The following MEGF10 variants were observed in gnomAD, a reference collection of about 807,000 sequenced individuals.
The protein encoded by MEGF10 is multiple epidermal growth factor-like domains protein 10.
A neutral mutation model predicts 147.5 loss-of-function variants in MEGF10; 86 were observed. The observed-to-expected ratio is 0.58, with a 90% CI of 0.49 to 0.70. The LOEUF (loss-of-function observed/expected upper bound fraction) is 0.70. Among genes scored for constraint, MEGF10 ranks in the 30% least tolerant of loss-of-function variants. MEGF10 has a pLI of 0.00. For synonymous variants in MEGF10, 478 were observed against 525.5 expected (o/e 0.91, Z 1.24); for missense variants, 1,329 against 1,487.3 (o/e 0.89, Z 1.75).
the MEGF10 span, among the ~76,000 whole-genome samples, chr5:127,285,163 A>G: frequency 6.6e-6 from 1 of 152,158 alleles, no homozygotes; most frequent in Non-Finnish European, 1.5e-5. Context: ...ATCTGCTTCT[A>G]CATGTCTAAT....
At chr5:127,374,305 C>G (rs1762947612) in intron 5 of MEGF10, among the ~76,000 whole-genome samples, 1 of 152,220 alleles carries the variant, frequency 6.6e-6, no homozygotes, top group South Asian at 2.1e-4. Context: ...TTTGCAATGT[C>G]TCTCTAGCGC....
rs370089072 is a variant in MEGF10 at position 127,360,864 on chromosome 5, GTA to G, written c.320-9032_320-9031del. ...TATATGTGTGTATATATATGTGTGT[GTA>G]TATATATATATATGTTGGAACAAAC... On this transcript the variant is annotated intron_variant, in intron 4 of 24. Coordinates refer to ENST00000503335, the MANE Select transcript of MEGF10 (RefSeq NM_001256545.2). 2.0e-3 allele frequency among the ~76,000 whole-genome samples: 295 copies of G among 148,864 alleles called. 1 individual carries two copies. Among genetic ancestry groups the G allele is most frequent in the African/African-American group, 5.4e-3 (221 of 40,832 alleles).
chr5:127,346,296 G>A (rs1372829851), intron 4 of MEGF10, among the ~76,000 whole-genome samples: 1 of 152,138 alleles, frequency 6.6e-6, no homozygotes. Flanking sequence ...GTTTTCCATA[G>A]TGGTTGTACT....
At chr5:127,395,541 T>A (rs1580810931) in intron 5 of MEGF10, among the ~76,000 whole-genome samples, 1 of 126,726 alleles carries the variant, frequency 7.9e-6, no homozygotes, top group East Asian at 2.1e-4. Flanking sequence ...GATATCTTTT[T>A]TTTTTTTTTT....
intron 1 of MEGF10, among the ~76,000 whole-genome samples, chr5:127,319,097 A>G (rs1351096406): frequency 8.7e-6 from 1 of 115,466 alleles, no homozygotes; most frequent in African/African-American, 3.4e-5. Flanking sequence ...TCCTTTCTTG[A>G]TAGAGTCTGG....
intron 8 of MEGF10, 48 bp from the exon 9 acceptor site, chr5:127,410,341 C>T (rs1360069038): frequency 3.9e-6 from 6 of 1,556,126 alleles, no homozygotes; most frequent in Non-Finnish European, 5.3e-6. Flanking sequence ...TTTATTTTCA[C>T]ATGGCACTAA....
rs144885062 is a variant in MEGF10, at chr5:127,446,461, A to G, written c.2728+768A>G. On this transcript the variant is annotated intron_variant, in intron 20 of 24. Coordinates refer to ENST00000503335, the MANE Select transcript of MEGF10 (RefSeq NM_001256545.2). The stretch of plus-strand genomic sequence containing the variant: ...TATTGTGTCAAGAACTCAAGTGTTT[A>G]AAAAAAGGAAAGTTGCAGAGTAGCT... Among the ~76,000 whole-genome samples, 955 of 152,242 alleles carry G rather than the reference A, an allele frequency of 6.3e-3. 8 individuals carry two copies. The highest frequency in any genetic ancestry group is 0.021 in the African/African-American group (861 of 41,532).
In MEGF10 at chr5:127,407,004, C is replaced by A. The variant is rs138240886; in HGVS notation, c.918-3385C>A. On this transcript the variant is annotated intron_variant, in intron 8 of 24. Coordinates refer to ENST00000503335, the MANE Select transcript of MEGF10 (RefSeq NM_001256545.2). ...TGATGAACTCTGTTAAGGTGAAGTC[C>A]AAAACAGCTCTGCCAAGTCTGTGTT... Among the ~76,000 whole-genome samples the A allele has an allele frequency of 3.2e-3, 481 of 152,174 alleles. 1 individual carries two copies. Among genetic ancestry groups the A allele is most frequent in the Admixed American group, 7.3e-3 (111 of 15,272 alleles).
chr5:127,419,915 G>A (rs1225885659), intron 11 of MEGF10, 129 bp from the exon 12 acceptor site: 2 of 1,104,822 alleles, frequency 1.8e-6, no homozygotes, highest in East Asian at 2.6e-5. Flanking sequence ...CAGAACCAGT[G>A]TTCTCTGCTG....
At chr5:127,406,589 G>A (rs990750564) in intron 8 of MEGF10, among the ~76,000 whole-genome samples, 3 of 152,166 alleles carry the variant, frequency 2.0e-5, no homozygotes, top group Admixed American at 1.3e-4. Flanking sequence ...GTGAGGTTAG[G>A]GCAGAGGGCT....
At chr5:127,294,089 C>A (rs1372648112) in intron 1 of MEGF10, among the ~76,000 whole-genome samples, 1 of 152,206 alleles carries the variant, frequency 6.6e-6, no homozygotes, top group Non-Finnish European at 1.5e-5. Context: ...TCTAACCAAC[C>A]ACTTACCACC....
chr5:127,409,860 G>A (rs1343654152), intron 8 of MEGF10: 2 of 158,456 alleles, frequency 1.3e-5, no homozygotes, highest in East Asian at 1.8e-4. Context: ...CTTTCTAACT[G>A]AGGAGGAATG....
chr5:127,402,349 A>C lies in MEGF10; in HGVS notation c.781-197A>C, dbSNP rs11952552. On this transcript the variant is annotated intron_variant, in intron 7 of 24. Coordinates refer to ENST00000503335, the MANE Select transcript of MEGF10 (RefSeq NM_001256545.2). ...TGTATCTTGAGATTTGGGCTTACTG[A>C]GTAATTAAGTCAATTTAATGTTTCT... Among the ~76,000 whole-genome samples, 34,701 of 152,154 alleles carry C rather than the reference A, an allele frequency of 0.23. 4,527 individuals are homozygous for C. The highest frequency in any genetic ancestry group is 0.37 in the African/African-American group (15,161 of 41,472).
chr5:127,424,620 G>C (rs1765149574), intron 13 of MEGF10: 1 of 1,234,392 alleles, frequency 8.1e-7, no homozygotes, highest in Non-Finnish European at 1.0e-6. Context: ...TTGATTTCTA[G>C]TGTCTGAGAG....
intron 4 of MEGF10, among the ~76,000 whole-genome samples, chr5:127,341,585 G>T (rs564774752): frequency 2.4e-4 from 37 of 152,208 alleles, no homozygotes; most frequent in African/African-American, 8.9e-4. Flanking sequence ...TACATATCTC[G>T]TCTTTCTTCC....
At chr5:127,363,786 T>G (rs1008718151) in intron 4 of MEGF10, among the ~76,000 whole-genome samples, 2 of 152,160 alleles carry the variant, frequency 1.3e-5, no homozygotes, top group Admixed American at 1.3e-4. Context: ...TTATTATTAT[T>G]ACATTTACTA....
At chr5:127,324,196 A>G (rs1324317515) in intron 1 of MEGF10, among the ~76,000 whole-genome samples, 1 of 102,488 alleles carries the variant, frequency 9.8e-6, no homozygotes, top group African/African-American at 3.4e-5. Flanking sequence ...AAACGCTAAG[A>G]GGGCTTTTAT....
intron 1 of MEGF10, among the ~76,000 whole-genome samples, chr5:127,300,987 G>C (rs550603322): frequency 6.6e-6 from 1 of 152,296 alleles, no homozygotes; most frequent in South Asian, 2.1e-4. Context: ...ATTTTAGTCT[G>C]TCAGGAGAAA....
At chr5:127,248,023 G>T in the MEGF10 span, among the ~76,000 whole-genome samples, 8 of 151,782 alleles carry the variant, frequency 5.3e-5, no homozygotes, top group South Asian at 1.7e-3. Context: ...GAAAGGAAAT[G>T]CCAGAGATCT....
Sources: gnomAD v4.1 joint callset for allele counts (sites outside exome capture counted in the v4.1 genomes callset) on GRCh38, gnomAD v4.1.1 for gene constraint, MANE v1.5 for transcripts, NCBI Gene and HGNC (gene_info 2026-07-23, HGNC 2026-07-21) for gene names.